Variants in MAP1LC3B observed in about 807,000 individuals in gnomAD.
MAP1LC3B encodes the protein microtubule-associated protein 1 light chain 3 beta.
MAP1LC3B carries 12 observed loss-of-function variants against 16.7 expected under a neutral mutation model. The observed-to-expected ratio is 0.72, with a 90% CI of 0.46 to 1.16. The LOEUF is 1.16. Ranked by LOEUF, MAP1LC3B falls within the 50% of genes most tolerant of loss-of-function variation. MAP1LC3B has a pLI of 0.00. For missense variants in MAP1LC3B, 155 were observed against 159.5 expected (o/e 0.97, Z 0.15); for synonymous variants, 63 against 56.5 (o/e 1.11, Z -0.51).
intron 1 of MAP1LC3B, among the ~76,000 whole-genome samples, chr16:87,397,283 T>G (rs1478282459): frequency 2.0e-5 from 3 of 152,216 alleles, no homozygotes; most frequent in Non-Finnish European, 2.9e-5. Flanking sequence ...AACTTATGGC[T>G]GTACTTGAAC....
In MAP1LC3B at chr16:87,401,088, G is replaced by T. The variant is rs372077109; in HGVS notation, c.97-1087G>T. Among the ~76,000 whole-genome samples the T allele has an allele frequency of 3.3e-4, 47 of 141,764 alleles. 2 individuals are homozygous for T. The East Asian group carries it at 7.2e-3, about 22-fold the overall frequency. The allele number at this position is 141,764 out of a possible 152,430, so 93.0% of individuals were successfully genotyped here. A position where few individuals can be genotyped will look rare whatever the true frequency, so the allele number is the denominator to read the frequency against. On this transcript the variant is annotated intron_variant, in intron 2 of 3. Coordinates refer to ENST00000268607, the MANE Select transcript of MAP1LC3B (RefSeq NM_022818.5). Reference sequence around the variant, plus strand: ...TCGGAGGTTGCAGTGAGCCAAGATCGTGCCACTGCATTCCAGCCTGGGCGA... The same window carrying T: ...TCGGAGGTTGCAGTGAGCCAAGATCTTGCCACTGCATTCCAGCCTGGGCGA...
intron 2 of MAP1LC3B, 176 bp downstream of exon 2, chr16:87,399,046 C>A: frequency 3.3e-6 from 2 of 602,020 alleles, no homozygotes; most frequent in Non-Finnish European, 3.0e-6. Flanking sequence ...CACTCTCTTT[C>A]CCAGGCTGGA....
intron 1 of MAP1LC3B, among the ~76,000 whole-genome samples, chr16:87,396,532 T>C (rs1402035736): frequency 6.6e-6 from 1 of 152,116 alleles, no homozygotes; most frequent in South Asian, 2.1e-4. Flanking sequence ...TTAGATTTAT[T>C]AGGATAAGCT....
At chr16:87,395,436 C>G (rs950255862) in intron 1 of MAP1LC3B, among the ~76,000 whole-genome samples, 2 of 152,232 alleles carry the variant, frequency 1.3e-5, no homozygotes, top group African/African-American at 4.8e-5. Context: ...AAGACAAAAA[C>G]AGATGATTAC....
chr16:87,393,183 C>T (rs1415245162), intron 1 of MAP1LC3B: 1 of 152,276 alleles, frequency 6.6e-6, no homozygotes, highest in Non-Finnish European at 1.5e-5. Flanking sequence ...CCTTTTCTGC[C>T]GGTTCAGACT....
rs758857295 is a variant in MAP1LC3B at position 87,402,992 on chromosome 16, C to G, written c.273C>G (p.Val91=). The G allele has an allele frequency of 3.1e-6, 5 of 1,614,022 alleles. No individual in the cohort carries two copies. The highest frequency in any genetic ancestry group is 4.2e-6 in the Non-Finnish European group (5 of 1,179,922). ...LLVNGHSMVS[V]STPISEVYES... is the part of the protein sequence containing the mutation. ...TGAACGGACACAGCATGGTCAGCGTCTCCACACCAATCTCAGAGGTGTATG... is the reference window on the plus strand; with the variant it reads ...TGAACGGACACAGCATGGTCAGCGTGTCCACACCAATCTCAGAGGTGTATG... Residue 91 remains valine, a synonymous_variant, in exon 4 of 4, where the codon GTC becomes GTG. Transcript: ENST00000268607.
chr16:87,402,294 CTTTG>C lies in MAP1LC3B; in HGVS notation c.203+17_203+20del. The C allele has an allele frequency of 6.2e-7, 1 of 1,608,608 alleles. No homozygotes were observed. Among genetic ancestry groups the C allele is most frequent in the South Asian group, 1.1e-5 (1 of 90,748 alleles). On this transcript the variant is annotated intron_variant, in intron 3 of 3. Coordinates refer to ENST00000268607, the MANE Select transcript of MAP1LC3B (RefSeq NM_022818.5). ...TCAAGATAATTAGGTATTCAGTCACCTTTGTTTCATAATATATTTCCTTTGAGTA... is the reference window on the plus strand; with the variant it reads ...TCAAGATAATTAGGTATTCAGTCACCTTTCATAATATATTTCCTTTGAGTA...
At position 87,392,432 on chromosome 16, in the gene MAP1LC3B, C is replaced by T. The variant is rs762464327; in HGVS notation, c.5C>T (p.Pro2Leu). The change falls in exon 1 of 4, where the codon CCG becomes CTG. Residue 2 changes from proline (P) to leucine (L), a missense_variant. Coordinates refer to ENST00000268607, the MANE Select transcript of MAP1LC3B (RefSeq NM_022818.5). The part of the protein sequence containing the change: M[P>L]SEKTFKQRRT... ...CGCCGCCCAGATCCCTGCACCATGCCGTCGGAGAAGACCTTCAAGCAGCGC... is the reference window on the plus strand; with the variant it reads ...CGCCGCCCAGATCCCTGCACCATGCTGTCGGAGAAGACCTTCAAGCAGCGC... 7.0e-7 allele frequency: 1 copy of T among 1,420,278 alleles called. No homozygotes were observed. Among genetic ancestry groups the T allele is most frequent in the Middle Eastern group, 2.5e-4 (1 of 3,968 alleles). 88.0% of individuals were successfully genotyped at this position (1,420,278 alleles called of 1,614,324 possible). A position where few individuals can be genotyped will look rare whatever the true frequency, so the allele number is the denominator to read the frequency against.
At position 87,403,940 on chromosome 16, in the gene MAP1LC3B, G is replaced by A. The variant is rs1908084638; in HGVS notation, c.*843G>A. The A allele has an allele frequency of 6.6e-6, 1 of 152,196 alleles. No individual in the cohort carries two copies. The highest frequency in any genetic ancestry group is 1.5e-5 in the Non-Finnish European group (1 of 68,048). The allele number at this position is 152,196 out of a possible 1,614,324, so 9.4% of individuals were successfully genotyped here. On this transcript the variant is annotated 3_prime_UTR_variant, in exon 4 of 4. Transcript: ENST00000268607. ...AGTGTCACTCTGGAGTACAGCGGGA[G>A]AAACACAAAATAGTATAACTGAAAA... is the stretch of plus-strand genomic sequence containing the variant.
At chr16:87,398,895 C>T (rs759723762) in intron 2 of MAP1LC3B, 25 bp downstream of exon 2, 59 of 1,608,164 alleles carry the variant, frequency 3.7e-5, no homozygotes, top group Admixed American at 5.0e-5. Context: ...GCCTCGGTTT[C>T]AGTCATGAAT....
chr16:87,402,116 T>G, intron 2 of MAP1LC3B, 59 bp from the exon 3 acceptor site: 4 of 1,580,452 alleles, frequency 2.5e-6, no homozygotes, highest in Non-Finnish European at 3.5e-6. Context: ...GTTACAGGTG[T>G]GAGCCACCGC....
At chr16:87,398,072 G>T (rs1281089423) in intron 1 of MAP1LC3B, among the ~76,000 whole-genome samples, 1 of 151,782 alleles carries the variant, frequency 6.6e-6, no homozygotes, top group African/African-American at 2.4e-5. Context: ...GCCCATGCTG[G>T]AGTGCAGTGG....
intron 2 of MAP1LC3B, among the ~76,000 whole-genome samples, chr16:87,399,868 G>C (rs1461473453): frequency 6.6e-6 from 1 of 151,964 alleles, no homozygotes; most frequent in Non-Finnish European, 1.5e-5. Flanking sequence ...CCGCCTCCCA[G>C]GTTCAAGTGA....
intron 1 of MAP1LC3B, among the ~76,000 whole-genome samples, chr16:87,398,527 G>C (rs546463101): frequency 6.6e-6 from 1 of 152,334 alleles, no homozygotes; most frequent in East Asian, 1.9e-4. Flanking sequence ...TTGTATGTCT[G>C]ACCACAAACT....
intron 2 of MAP1LC3B, among the ~76,000 whole-genome samples, chr16:87,400,722 T>C (rs1243314194): frequency 6.6e-6 from 1 of 151,506 alleles, no homozygotes; most frequent in Non-Finnish European, 1.5e-5. Flanking sequence ...TTTTTTTTAA[T>C]GGATGAAAGG....
intron 3 of MAP1LC3B, 98 bp from the exon 4 acceptor site, chr16:87,402,825 T>TCAAGAGCA: frequency 2.1e-6 from 3 of 1,406,596 alleles, no homozygotes; most frequent in Non-Finnish European, 2.9e-6. Context: ...TTTAGAACAT[T>TCAAGAGCA]TTTATATTTT....
Position 87,399,805 on chromosome 16 carries a change from G to A in MAP1LC3B, c.96+935G>A, listed in dbSNP as rs139819963. 5.1e-3 allele frequency: 1,516 copies of A among 298,542 alleles called. 24 individuals carry two copies. Among genetic ancestry groups the A allele is most frequent in the African/African-American group, 0.032 (1,429 of 45,308 alleles). 18.5% of individuals were successfully genotyped at this position (298,542 alleles called of 1,614,324 possible). ...TTTATTTATTTTGAGACGGAGTCTT[G>A]CTGTGTCGCCCAGGCTGGAGTGTAG... On this transcript the variant is annotated intron_variant, in intron 2 of 3. Coordinates refer to ENST00000268607, the MANE Select transcript of MAP1LC3B (RefSeq NM_022818.5).
intron 2 of MAP1LC3B, among the ~76,000 whole-genome samples, chr16:87,400,609 T>G (rs1434775007): frequency 6.6e-6 from 1 of 152,194 alleles, no homozygotes; most frequent in African/African-American, 2.4e-5. Context: ...CAAATATAAT[T>G]TTTTCATGTC....
At position 87,403,549 on chromosome 16, in the gene MAP1LC3B, A is replaced by G. The variant is rs1034582080; in HGVS notation, c.*452A>G. 1 of 156,188 alleles carries G rather than the reference A, an allele frequency of 6.4e-6. No individual in the cohort carries two copies. Among genetic ancestry groups the G allele is most frequent in the African/African-American group, 2.4e-5 (1 of 41,428 alleles). The allele number at this position is 156,188 out of a possible 1,614,324, so 9.7% of individuals were successfully genotyped here. A position where few individuals can be genotyped will look rare whatever the true frequency, so the allele number is the denominator to read the frequency against. ...ACTCAGCTAGAGAGATCTCCCTAAG[A>G]GGATCTTTAGGCCTGAGTTGTGAAG... On this transcript the variant is annotated 3_prime_UTR_variant, in exon 4 of 4. Coordinates refer to ENST00000268607, the MANE Select transcript of MAP1LC3B (RefSeq NM_022818.5).
Sources: gnomAD v4.1 joint callset for allele counts (sites outside exome capture counted in the v4.1 genomes callset) on GRCh38, gnomAD v4.1.1 for gene constraint, MANE v1.5 for transcripts, NCBI Gene and HGNC (gene_info 2026-07-23, HGNC 2026-07-21) for gene names.